The following PCNX2 variants were observed in gnomAD, a reference collection of about 807,000 sequenced individuals.
PCNX2 encodes pecanex 2.
PCNX2 carries 168 observed loss-of-function variants against 223.8 expected under a neutral mutation model. The observed-to-expected ratio is 0.75, with a 90% confidence interval of 0.66 to 0.85. The LOEUF (loss-of-function observed/expected upper bound fraction) is 0.85. Ranked by LOEUF, PCNX2 falls within the 40% of genes least tolerant of loss-of-function variation. The pLI is 0.00. For synonymous variants in PCNX2, 1,006 were observed against 1,052.6 expected (o/e 0.96, Z 0.86); for missense variants, 2,507 against 2,675.5 (o/e 0.94, Z 1.39).
chr1:233,048,486 C>G (rs937628500), intron 25 of PCNX2, among the ~76,000 whole-genome samples: 13 of 152,062 alleles, frequency 8.5e-5, no homozygotes, highest in Middle Eastern at 3.2e-3. Flanking sequence ...ACACAACATA[C>G]CAAAATTTCT....
intron 1 of PCNX2, among the ~76,000 whole-genome samples, chr1:233,287,120 T>C (rs370187629): frequency 2.2e-4 from 34 of 152,346 alleles, no homozygotes; most frequent in African/African-American, 8.2e-4. Flanking sequence ...AGTTGCTTTA[T>C]GATTACACTC....
the PCNX2 span, among the ~76,000 whole-genome samples, chr1:233,326,226 T>C: frequency 5.9e-5 from 9 of 152,378 alleles, no homozygotes; most frequent in East Asian, 5.8e-4. Context: ...AAAAAATTCA[T>C]GTCACTTGCT....
chr1:233,142,250 A>G (rs1481539621), intron 19 of PCNX2, among the ~76,000 whole-genome samples: 1 of 152,212 alleles, frequency 6.6e-6, no homozygotes, highest in Non-Finnish European at 1.5e-5. Flanking sequence ...CATAGCATCA[A>G]GTCATCTTAC....
intron 21 of PCNX2, among the ~76,000 whole-genome samples, chr1:233,114,486 T>A (rs1342456771): frequency 6.6e-6 from 1 of 152,046 alleles, no homozygotes; most frequent in Non-Finnish European, 1.5e-5. Context: ...AAGTGGTGAG[T>A]CATTACAGGG....
rs138381853 is a variant in PCNX2 at position 233,257,719 on chromosome 1, G to A, written c.1834+309C>T. Among the ~76,000 whole-genome samples, 453 of 152,322 alleles carry A rather than the reference G, an allele frequency of 3.0e-3. 3 individuals carry two copies. Among genetic ancestry groups the A allele is most frequent in the Admixed American group, 8.5e-3 (130 of 15,298 alleles). The stretch of plus-strand genomic sequence containing the variant: ...ATAAAGTAAGAAATATCTATTGCGA[G>A]TACTTGCCACAGTAGTAAAATATAA... On this transcript the variant is annotated intron_variant, in intron 5 of 33. Coordinates refer to ENST00000258229, the MANE Select transcript of PCNX2 (RefSeq NM_014801.4).
At chr1:233,193,742 ACTAT>A (rs1229423704) in intron 15 of PCNX2, among the ~76,000 whole-genome samples, 1 of 152,200 alleles carries the variant, frequency 6.6e-6, no homozygotes, top group Non-Finnish European at 1.5e-5. Context: ...AAAAATGAAA[ACTAT>A]CTACAGACAT....
chr1:233,011,177 T>A (rs1670455389), intron 28 of PCNX2, among the ~76,000 whole-genome samples: 1 of 152,236 alleles, frequency 6.6e-6, no homozygotes, highest in South Asian at 2.1e-4. Flanking sequence ...ATTGAATCCA[T>A]CATTGTATAA....
intron 21 of PCNX2, among the ~76,000 whole-genome samples, chr1:233,099,930 G>T (rs1254253751): frequency 6.6e-6 from 1 of 152,162 alleles, no homozygotes; most frequent in Non-Finnish European, 1.5e-5. Flanking sequence ...CTATGAACTT[G>T]CATCTCCTTA....
rs878883918 is a variant in PCNX2 at position 233,016,158 on chromosome 1, C to T, written c.4839+763G>A. Reference sequence around the variant, plus strand: ...TTCTGCCACCTGCTTCTTCTCCCACCTGTTTTTAATCACCCATAAGAAACT... The same window carrying T: ...TTCTGCCACCTGCTTCTTCTCCCACTTGTTTTTAATCACCCATAAGAAACT... On this transcript the variant is annotated intron_variant, in intron 27 of 33. Transcript: ENST00000258229. Among the ~76,000 whole-genome samples, 4 of 152,114 alleles carry T rather than the reference C, an allele frequency of 2.6e-5. No homozygotes were observed. The East Asian group carries it at 7.7e-4, about 29-fold the overall frequency.
At chr1:233,250,246 T>G (rs2102984946) in intron 8 of PCNX2, among the ~76,000 whole-genome samples, 1 of 140,932 alleles carries the variant, frequency 7.1e-6, no homozygotes, top group South Asian at 2.2e-4. Context: ...ATATGCAAAC[T>G]AATTTAATAT....
At chr1:233,087,146 T>G (rs372751907) in intron 23 of PCNX2, 1 of 985,246 alleles carries the variant, frequency 1.0e-6, no homozygotes, top group African/African-American at 1.7e-5. Context: ...ATCACTTCCT[T>G]GAAGTATTAA....
At chr1:233,130,503 G>GTGTGTGTGTA (rs1169089129) in intron 21 of PCNX2, among the ~76,000 whole-genome samples, 1 of 150,332 alleles carries the variant, frequency 6.7e-6, no homozygotes. Context: ...GTGTGTGTGT[G>GTGTGTGTGTA]TGATGGAGTC....
rs192702086 is a variant in PCNX2, at chr1:233,075,740, A to C, written c.4076+14321T>G. Among the ~76,000 whole-genome samples the C allele has an allele frequency of 7.6e-3, 927 of 122,438 alleles. 9 individuals are homozygous for C. The highest frequency in any genetic ancestry group is 0.034 in the African/African-American group (868 of 25,784). The allele number at this position is 122,438 out of a possible 152,430, so 80.3% of individuals were successfully genotyped here. On this transcript the variant is annotated intron_variant, in intron 23 of 33. Transcript: ENST00000258229. ...ACACACACACACACACACACACACAACAGAAAAGAAATCTCCATTGCAAAT... is the reference window on the plus strand; with the variant it reads ...ACACACACACACACACACACACACACCAGAAAAGAAATCTCCATTGCAAAT...
intron 17 of PCNX2, among the ~76,000 whole-genome samples, chr1:233,164,835 C>T (rs922292238): frequency 6.6e-6 from 1 of 151,714 alleles, no homozygotes; most frequent in South Asian, 2.1e-4. Flanking sequence ...AAGCCAATCT[C>T]ATAGAAGTAC....
chr1:233,279,453 T>C (rs926414723), intron 1 of PCNX2, among the ~76,000 whole-genome samples: 5 of 151,848 alleles, frequency 3.3e-5, no homozygotes, highest in Non-Finnish European at 5.9e-5. Context: ...TGTGTATATA[T>C]ATATATTTTA....
At chr1:233,095,704 C>T (rs192250795) in intron 22 of PCNX2, 51 bp downstream of exon 22, 38 of 1,452,458 alleles carry the variant, frequency 2.6e-5, no homozygotes, top group South Asian at 4.8e-5. Context: ...AGCTTGCTTC[C>T]GTAAAATGTG....
chr1:233,067,037 C>T (rs114516005), intron 23 of PCNX2, among the ~76,000 whole-genome samples: 201 of 152,148 alleles, frequency 1.3e-3, no homozygotes, highest in Non-Finnish European at 2.4e-3. Flanking sequence ...GAGTAGGGAA[C>T]CTGGACTTCT....
At chr1:233,287,044 T>C (rs766158422) in intron 1 of PCNX2, among the ~76,000 whole-genome samples, 1 of 152,236 alleles carries the variant, frequency 6.6e-6, no homozygotes, top group Non-Finnish European at 1.5e-5. Flanking sequence ...CCCATATTTT[T>C]ATCTGGGATA....
chr1:233,265,072 C>T (rs1280604951), intron 1 of PCNX2, among the ~76,000 whole-genome samples: 1 of 146,158 alleles, frequency 6.8e-6, no homozygotes, highest in African/African-American at 2.5e-5. Context: ...ACCCCCCCTC[C>T]GATCTCTACA....
Sources: gnomAD v4.1 joint callset for allele counts (sites outside exome capture counted in the v4.1 genomes callset) on GRCh38, gnomAD v4.1.1 for gene constraint, MANE v1.5 for transcripts, NCBI Gene and HGNC (gene_info 2026-07-23, HGNC 2026-07-21) for gene names.